Variants in LPCAT1 observed in about 807,000 individuals in gnomAD.
LPCAT1 encodes 1-acylglycerol-3-phosphate O-acyltransferase.
LPCAT1 carries 23 observed loss-of-function variants against 60.9 expected under a neutral mutation model. The observed-to-expected ratio is 0.38, with a 90% CI of 0.27 to 0.53. The LOEUF (loss-of-function observed/expected upper bound fraction) is 0.53. LPCAT1 is among the 20% of genes least tolerant of loss of function. LPCAT1 has a pLI of 0.82. For missense variants in LPCAT1, 622 were observed against 723.6 expected (o/e 0.86, Z 1.61); for synonymous variants, 340 against 301.1 (o/e 1.13, Z -1.34).
At chr5:1,468,161 T>C (rs187538064) in intron 12 of LPCAT1, among the ~76,000 whole-genome samples, 7 of 152,284 alleles carry the variant, frequency 4.6e-5, no homozygotes, top group African/African-American at 1.4e-4. Flanking sequence ...GCTCTGCCTC[T>C]ACCCCATGGA....
rs1363853947 is a variant in LPCAT1 at position 1,480,605 on chromosome 5, G to A, written c.761+337C>T. 1.3e-5 allele frequency among the ~76,000 whole-genome samples: 2 copies of A among 152,090 alleles called. No individual in the cohort carries two copies. Among genetic ancestry groups the A allele is most frequent in the Non-Finnish European group, 2.9e-5 (2 of 68,016 alleles). On this transcript the variant is annotated intron_variant, in intron 7 of 13. Transcript: ENST00000283415. This position sits in a 1 kb window ranked among gnomAD's most constrained non-coding sequence, Gnocchi z 6.4. ...TCAGTCTCTGTGCCTGTGCAGACGG[G>A]GTCCCCCCAGACACCCCTAAATCTC...
Position 1,521,842 on chromosome 5 carries a change from G to A in LPCAT1, c.135+1868C>T, listed in dbSNP as rs536009225. ...AGCAGCTTGCACCCTGAGGTCTCGGGGAGGAAAGCAGGCCCCTCTGGGCAC... is the reference window on the plus strand; with the variant it reads ...AGCAGCTTGCACCCTGAGGTCTCGGAGAGGAAAGCAGGCCCCTCTGGGCAC... On this transcript the variant is annotated intron_variant, in intron 1 of 13. Transcript: ENST00000283415. The surrounding 1 kb of genome is among the most constrained non-coding windows in gnomAD (Gnocchi z 4.3). Among the ~76,000 whole-genome samples the A allele has an allele frequency of 2.8e-3, 429 of 152,344 alleles. 2 individuals carry two copies. Among genetic ancestry groups the A allele is most frequent in the Non-Finnish European group, 5.0e-3 (338 of 68,036 alleles).
chr5:1,492,970 A>C (rs1469477574), intron 3 of LPCAT1, among the ~76,000 whole-genome samples: 1 of 152,210 alleles, frequency 6.6e-6, no homozygotes, highest in Admixed American at 6.5e-5. Flanking sequence ...TGGGGGGGCA[A>C]ATGTGGTTTC....
intron 1 of LPCAT1, among the ~76,000 whole-genome samples, chr5:1,503,650 C>T (rs557796887): frequency 6.6e-6 from 1 of 152,358 alleles, no homozygotes; most frequent in African/African-American, 2.4e-5. Context: ...CGTGCAGTCG[C>T]CCTACGAAAC....
intron 11 of LPCAT1, among the ~76,000 whole-genome samples, chr5:1,472,162 G>A (rs1365773010): frequency 6.6e-6 from 1 of 150,684 alleles, no homozygotes; most frequent in Non-Finnish European, 1.5e-5. Context: ...GCACCCAAGG[G>A]CAGAGGGAGA....
chr5:1,510,146 G>A (rs1165495319), intron 1 of LPCAT1, among the ~76,000 whole-genome samples: 1 of 152,062 alleles, frequency 6.6e-6, no homozygotes, highest in African/African-American at 2.4e-5. Context: ...ATTTCAGTGA[G>A]GTCACACTCT....
intron 8 of LPCAT1, among the ~76,000 whole-genome samples, chr5:1,479,015 A>T (rs1352300734): frequency 6.6e-6 from 1 of 152,270 alleles, no homozygotes; most frequent in African/African-American, 2.4e-5. Flanking sequence ...AAGTAAAACT[A>T]AGAGCCAAAC....
At chr5:1,482,735 G>A (rs1457660258) in intron 6 of LPCAT1, among the ~76,000 whole-genome samples, 2 of 146,388 alleles carry the variant, frequency 1.4e-5, no homozygotes, top group Non-Finnish European at 3.0e-5. Flanking sequence ...GGTGGGGTGG[G>A]GTGTGGTGTG....
Position 1,496,020 on chromosome 5 carries a change from ACACAGGTGTGCACTTCTTCACCACC to A in LPCAT1, c.279-1131_279-1107del, listed in dbSNP as rs1735776126. 6.6e-6 allele frequency among the ~76,000 whole-genome samples: 1 copy of A among 152,240 alleles called. No individual in the cohort carries two copies. The highest frequency in any genetic ancestry group is 2.4e-5 in the African/African-American group (1 of 41,454). ...CTGCTTGTCTAGAGGAGGGGGGATT[ACACAGGTGTGCACTTCTTCACCACC>A]TGTTCAGCTGCATATTTAAAAATGT... On this transcript the variant is annotated intron_variant, in intron 2 of 13. Transcript: ENST00000283415. The surrounding 1 kb of genome is among the most constrained non-coding windows in gnomAD (Gnocchi z 4.7).
intron 2 of LPCAT1, 116 bp downstream of exon 2, chr5:1,501,345 A>G: frequency 7.2e-7 from 1 of 1,389,052 alleles, no homozygotes; most frequent in Non-Finnish European, 9.7e-7. Flanking sequence ...TGGGCTCAGA[A>G]GGGAAGGACA....
Position 1,523,799 on chromosome 5 carries a change from C to A in LPCAT1, c.46G>T (p.Ala16Ser). Reference sequence around the variant, plus strand: ...AGCAGCCGAGCGTCGCTGGCCCCTGCGCTGGAGGCAGGGGCGGCCCGGGGT... The same window carrying A: ...AGCAGCCGAGCGTCGCTGGCCCCTGAGCTGGAGGCAGGGGCGGCCCGGGGT... ...CGPRAAPASS[A>S]GASDARLLAP... Residue 16 changes from alanine to serine, a missense_variant, in exon 1 of 14, where the codon GCA (alanine) becomes TCA (serine). Ala to Ser is a moderately conservative substitution (Grantham distance 99). This residue lies in a region of LPCAT1 where 125 missense variants were observed against 114.5 expected (regional missense o/e 1.09). Coordinates refer to ENST00000283415, the MANE Select transcript of LPCAT1 (RefSeq NM_024830.5). This position sits in a 1 kb window ranked among gnomAD's most constrained non-coding sequence, Gnocchi z 7.1. 9.0e-7 allele frequency: 1 copy of A among 1,107,092 alleles called. No homozygotes were observed. The allele number at this position is 1,107,092 out of a possible 1,614,324, so 68.6% of individuals were successfully genotyped here. A position where few individuals can be genotyped will look rare whatever the true frequency, so the allele number is the denominator to read the frequency against.
chr5:1,517,456 C>A (rs926939181), intron 1 of LPCAT1, among the ~76,000 whole-genome samples: 1 of 152,178 alleles, frequency 6.6e-6, no homozygotes, highest in African/African-American at 2.4e-5. Context: ...AGCGGTGAGA[C>A]GGAGTGGGAC....
At position 1,480,483 on chromosome 5, in the gene LPCAT1, G is replaced by T; in HGVS notation, c.761+459C>A. 1 of 515,798 alleles carries T rather than the reference G, an allele frequency of 1.9e-6. No homozygotes were observed. Among genetic ancestry groups the T allele is most frequent in the Non-Finnish European group, 2.5e-6 (1 of 401,046 alleles). The allele number at this position is 515,798 out of a possible 1,614,324, so 32.0% of individuals were successfully genotyped here. On this transcript the variant is annotated intron_variant, in intron 7 of 13. Coordinates refer to ENST00000283415, the MANE Select transcript of LPCAT1 (RefSeq NM_024830.5). This position sits in a 1 kb window ranked among gnomAD's most constrained non-coding sequence, Gnocchi z 6.4. ...CTCTGGGGCTCGTTCCCGTTTCCGT[G>T]GGGTTGTTCATTGTTGCATAACTGA...
At chr5:1,465,783 GCA>G (rs1056673735) in intron 13 of LPCAT1, among the ~76,000 whole-genome samples, 3 of 141,880 alleles carry the variant, frequency 2.1e-5, no homozygotes, top group African/African-American at 8.0e-5. Flanking sequence ...CGGTAAACAT[GCA>G]CACTTTCAAT....
chr5:1,462,158 T>C lies in LPCAT1; in HGVS notation c.*1493A>G, dbSNP rs1374642812. On this transcript the variant is annotated 3_prime_UTR_variant, in exon 14 of 14. Coordinates refer to ENST00000283415, the MANE Select transcript of LPCAT1 (RefSeq NM_024830.5). Reference sequence around the variant, plus strand: ...ACATTTTTTCCCGTACTTACTGGCCTTGGTGGTCACTTTCTATAGAGATGC... The same window carrying C: ...ACATTTTTTCCCGTACTTACTGGCCCTGGTGGTCACTTTCTATAGAGATGC... 1.3e-5 allele frequency: 2 copies of C among 152,632 alleles called. No individual in the cohort carries two copies. The highest frequency in any genetic ancestry group is 3.8e-4 in the East Asian group (2 of 5,198). The allele number at this position is 152,632 out of a possible 1,614,324, so 9.5% of individuals were successfully genotyped here.
At chr5:1,479,567 G>T (rs763186922) in intron 8 of LPCAT1, 54 bp downstream of exon 8, 1 of 1,278,184 alleles carries the variant, frequency 7.8e-7, no homozygotes, top group Non-Finnish European at 1.1e-6. Flanking sequence ...GTGTAAGCTC[G>T]TGTCTGCATC....
intron 3 of LPCAT1, among the ~76,000 whole-genome samples, chr5:1,492,420 C>G (rs982280099): frequency 6.6e-6 from 1 of 152,184 alleles, no homozygotes; most frequent in African/African-American, 2.4e-5. Flanking sequence ...TCAGAGGGTG[C>G]TCCAGGTGCG....
Position 1,480,869 on chromosome 5 carries a change from C to T in LPCAT1, c.761+73G>A. The T allele has an allele frequency of 6.4e-7, 1 of 1,567,684 alleles. No individual in the cohort carries two copies. The highest frequency in any genetic ancestry group is 8.8e-7 in the Non-Finnish European group (1 of 1,138,352). On this transcript the variant is annotated intron_variant, in intron 7 of 13. Coordinates refer to ENST00000283415, the MANE Select transcript of LPCAT1 (RefSeq NM_024830.5). This position sits in a 1 kb window ranked among gnomAD's most constrained non-coding sequence, Gnocchi z 6.4. ...CAACTGCAAAAGTAACTAGCGTGCA[C>T]AGCAGACCCCAAGCAGCCCCTACGT...
intron 1 of LPCAT1, among the ~76,000 whole-genome samples, chr5:1,508,769 C>G (rs1390465468): frequency 6.6e-6 from 1 of 152,244 alleles, no homozygotes; most frequent in Non-Finnish European, 1.5e-5. Context: ...CTGGAACTCT[C>G]TGGAAGTCTC....
Sources: allele counts gnomAD v4.1 joint callset (sites outside exome capture counted in the v4.1 genomes callset), GRCh38; gene constraint gnomAD v4.1.1; regional missense constraint gnomAD v4.1.1; non-coding constraint Gnocchi (gnomAD v3.1); transcripts MANE v1.5; gene names NCBI Gene and HGNC (gene_info 2026-07-23, HGNC 2026-07-21).